ITGB3BP: variants seen among roughly 807,000 people sequenced by gnomAD.
The protein encoded by ITGB3BP is integrin subunit beta 3 binding protein, also known as centromere protein R.
Under a neutral mutation model 29.1 loss-of-function variants are expected in ITGB3BP, and 27 were observed. The ratio of observed to expected loss-of-function variants is 0.93; its 90% CI spans 0.68 to 1.28. ITGB3BP has a LOEUF of 1.28. Ranked by LOEUF, ITGB3BP falls within the 50% of genes most tolerant of loss-of-function variation. The pLI, the probability that ITGB3BP is intolerant of heterozygous loss-of-function variation, is 0.00. For synonymous variants in ITGB3BP, 61 were observed against 61.4 expected (o/e 0.99, Z 0.03); for missense variants, 192 against 200.2 (o/e 0.96, Z 0.25).
chr1:63,472,827 A>C, intron 4 of ITGB3BP, among the ~76,000 whole-genome samples: 1 of 150,304 alleles, frequency 6.7e-6, no homozygotes. Context: ...GCTCGCTACA[A>C]CCTCCACCTC....
At chr1:63,447,026 G>T in intron 7 of ITGB3BP, 170 bp from the exon 8 acceptor site, 1 of 579,208 alleles carries the variant, frequency 1.7e-6, no homozygotes, top group Non-Finnish European at 3.1e-6. Flanking sequence ...ACATGCTATA[G>T]TTAGCCTGAT....
At chr1:63,483,728 A>G (rs1159796787) in intron 3 of ITGB3BP, among the ~76,000 whole-genome samples, 1 of 152,212 alleles carries the variant, frequency 6.6e-6, no homozygotes, top group Non-Finnish European at 1.5e-5. Context: ...CAAACCACAT[A>G]TATGACAGTG....
At chr1:63,518,081 G>C (rs1221647063) in intron 1 of ITGB3BP, among the ~76,000 whole-genome samples, 1 of 152,162 alleles carries the variant, frequency 6.6e-6, no homozygotes, top group Non-Finnish European at 1.5e-5. Context: ...TTGAATAGAA[G>C]TGGTGAGAGG....
chr1:63,505,523 C>T (rs1038249953), intron 2 of ITGB3BP, among the ~76,000 whole-genome samples: 1 of 152,124 alleles, frequency 6.6e-6, no homozygotes, highest in African/African-American at 2.4e-5. Flanking sequence ...CAGTTCTGCT[C>T]TGATCTTAGG....
chr1:63,448,226 G>A (rs563623846), intron 7 of ITGB3BP, among the ~76,000 whole-genome samples: 1 of 148,496 alleles, frequency 6.7e-6, no homozygotes, highest in African/African-American at 2.5e-5. Context: ...TATACCTAAT[G>A]CTAAATGACG....
chr1:63,477,101 A>G (rs1029359638), intron 4 of ITGB3BP, among the ~76,000 whole-genome samples: 1 of 152,200 alleles, frequency 6.6e-6, no homozygotes, highest in African/African-American at 2.4e-5. Context: ...TCGAGGGAAA[A>G]CAGCTACTAA....
At chr1:63,523,308 G>T, upstream of ITGB3BP, 2 of 789,568 alleles carry the variant, frequency 2.5e-6, no homozygotes, top group Non-Finnish European at 4.3e-6. Context: ...CCGGGTGTGC[G>T]CGAGCAAAGG....
intron 8 of ITGB3BP, 35 bp downstream of exon 8, chr1:63,446,771 C>A (rs757637565): frequency 1.4e-6 from 2 of 1,447,442 alleles, no homozygotes; most frequent in Non-Finnish European, 1.9e-6. Flanking sequence ...TGAAATTTCA[C>A]AAGGTTAAAC....
rs564653393 is a variant in ITGB3BP, at chr1:63,511,768, A to C, written c.6-3198T>G. On this transcript the variant is annotated intron_variant, in intron 1 of 8. Coordinates refer to ENST00000271002, the MANE Select transcript of ITGB3BP (RefSeq NM_014288.5). Reference sequence around the variant, plus strand: ...GACAAAAAATAGAATGGTGGTTGCCAGGGGCTAGAGGGAGTGAGGAATGGG... The same window carrying C: ...GACAAAAAATAGAATGGTGGTTGCCCGGGGCTAGAGGGAGTGAGGAATGGG... Among the ~76,000 whole-genome samples, 22 of 152,154 alleles carry C rather than the reference A, an allele frequency of 1.4e-4. No individual in the cohort carries two copies. In the East Asian group the frequency reaches 4.3e-3, roughly 29 times the overall value.
intron 7 of ITGB3BP, 151 bp from the exon 8 acceptor site, chr1:63,447,007 C>T: frequency 1.7e-6 from 1 of 598,636 alleles, no homozygotes; most frequent in East Asian, 2.8e-5. Context: ...GCTATAAATT[C>T]TCATTTCAAC....
intron 3 of ITGB3BP, among the ~76,000 whole-genome samples, chr1:63,485,971 A>G (rs1326686673): frequency 6.6e-6 from 1 of 151,968 alleles, no homozygotes; most frequent in Admixed American, 6.6e-5. Context: ...ATCTTTCCTT[A>G]ATTATGAAAA....
chr1:63,463,699 G>C (rs1375772425), intron 4 of ITGB3BP, among the ~76,000 whole-genome samples: 1 of 152,112 alleles, frequency 6.6e-6, no homozygotes, highest in Non-Finnish European at 1.5e-5. Context: ...AAACATAAAG[G>C]ATATGGAAGT....
intron 3 of ITGB3BP, among the ~76,000 whole-genome samples, chr1:63,483,713 A>C (rs1645478307): frequency 6.6e-6 from 1 of 152,208 alleles, no homozygotes; most frequent in Non-Finnish European, 1.5e-5. Flanking sequence ...CATTTTGGTC[A>C]GTGACAAACC....
At chr1:63,487,931 A>G (rs1252222066) in intron 3 of ITGB3BP, among the ~76,000 whole-genome samples, 2 of 152,126 alleles carry the variant, frequency 1.3e-5, no homozygotes, top group East Asian at 3.8e-4. Context: ...CAGCTCCATT[A>G]TAATCTTGGG....
At chr1:63,509,967 T>C in intron 1 of ITGB3BP, 3 of 412,290 alleles carry the variant, frequency 7.3e-6, no homozygotes, top group Admixed American at 4.2e-5. Flanking sequence ...CTGAGGTGGG[T>C]GGATCACCTG....
chr1:63,525,474 A>G, upstream of ITGB3BP: 3 of 1,017,468 alleles, frequency 2.9e-6, no homozygotes, highest in Non-Finnish European at 4.1e-6. Flanking sequence ...TTCTATGTAT[A>G]AAATCTTGAT....
intron 1 of ITGB3BP, chr1:63,509,991 G>A (rs1425084898): frequency 5.3e-5 from 23 of 432,598 alleles, no homozygotes; most frequent in Non-Finnish European, 6.2e-5. Flanking sequence ...TCAGGAGTTC[G>A]AGACCAGCCT....
intron 2 of ITGB3BP, among the ~76,000 whole-genome samples, chr1:63,506,649 G>C (rs1313101608): frequency 1.3e-5 from 2 of 152,144 alleles, no homozygotes; most frequent in African/African-American, 4.8e-5. Context: ...AAGATCTGTA[G>C]CTGCATTAGG....
In ITGB3BP at chr1:63,490,234, A is replaced by G. The variant is rs1158510087; in HGVS notation, c.49-16T>C. 4.0e-6 allele frequency: 6 copies of G among 1,507,464 alleles called. No individual in the cohort carries two copies. The highest frequency in any genetic ancestry group is 1.2e-5 in the South Asian group (1 of 85,236). 93.4% of individuals were successfully genotyped at this position (1,507,464 alleles called of 1,614,324 possible). ...GATCAAATGACTGGAAATAAATAAT[A>G]ATTAAGGACAGAAATAGCTATGTTT... On this transcript the variant is annotated splice_polypyrimidine_tract_variant and intron_variant, in intron 2 of 8. Transcript: ENST00000271002.
Sources: allele counts gnomAD v4.1 joint callset (sites outside exome capture counted in the v4.1 genomes callset), GRCh38; gene constraint gnomAD v4.1.1; transcripts MANE v1.5; gene names NCBI Gene and HGNC (gene_info 2026-07-23, HGNC 2026-07-21).